The following EZH1 variants were observed in gnomAD, a reference collection of about 807,000 sequenced individuals.
The protein encoded by EZH1 is histone-lysine N-methyltransferase EZH1.
In EZH1, 33 loss-of-function variants were observed where a neutral mutation model predicts 100.5. The observed-to-expected ratio is 0.33, with a 90% CI of 0.25 to 0.44. EZH1 has a LOEUF of 0.44. Among genes scored for constraint, EZH1 ranks in the 20% least tolerant of loss-of-function variants. The pLI, the probability that EZH1 is intolerant of heterozygous loss-of-function variation, is 1.00. For missense variants in EZH1, 475 were observed against 928.4 expected, an observed-to-expected ratio of 0.51 and a Z score of 6.35; for synonymous variants, 272 against 313.8, an observed-to-expected ratio of 0.87 and a Z score of 1.41.
chr17:42,718,553 C>G lies in EZH1; in HGVS notation c.832G>C (p.Asp278His). The G allele has an allele frequency of 6.2e-7, 1 of 1,614,096 alleles. No individual in the cohort carries two copies. The highest frequency in any genetic ancestry group is 8.5e-7 in the Non-Finnish European group (1 of 1,180,024). The stretch of plus-strand genomic sequence containing the variant: ...TGCACAGACTTGGCATTGGGGCCAT[C>G]GATGTTGGGTGTGCACTGAGGGGGA... ...ALPPQCTPNI[D>H]GPNAKSVQRE... Residue 278 changes from aspartate to histidine, a missense_variant, in exon 9 of 21, where the codon GAT becomes CAT. Coordinates refer to ENST00000428826, the MANE Select transcript of EZH1 (RefSeq NM_001991.5). This position sits in a 1 kb window ranked among gnomAD's most constrained non-coding sequence, Gnocchi z 4.2.
At chr17:42,714,609 A>T in intron 10 of EZH1, 1 of 335,880 alleles carries the variant, frequency 3.0e-6, no homozygotes, top group Non-Finnish European at 6.0e-6. Context: ...TTGTTGTGAA[A>T]GTGTTGAAGG....
intron 1 of EZH1, among the ~76,000 whole-genome samples, chr17:42,740,047 T>A (rs977540112): frequency 1.4e-4 from 22 of 151,932 alleles, no homozygotes; most frequent in African/African-American, 5.1e-4. Flanking sequence ...TTTATAACTC[T>A]GGTTTAATTT....
At chr17:42,728,770 A>T (rs1482364492) in intron 3 of EZH1, 55 bp downstream of exon 3, 16 of 1,571,596 alleles carry the variant, frequency 1.0e-5, no homozygotes, top group Non-Finnish European at 1.4e-5. Flanking sequence ...CAACCCCTTT[A>T]CACTGGGTCA....
chr17:42,720,565 T>G (rs1454181609), intron 6 of EZH1, 116 bp from the exon 7 acceptor site: 2 of 837,440 alleles, frequency 2.4e-6, no homozygotes, highest in East Asian at 5.7e-5. Context: ...GTGTACATTT[T>G]TACATGGGAG....
At position 42,731,090 on chromosome 17, in the gene EZH1, C is replaced by G. The variant is rs1208886799; in HGVS notation, c.-102-172G>C. ...ACTTGATGCCATTTGGGAAGAGGCC[C>G]TTTACTTTATTAAATTCTATTTTTT... On this transcript the variant is annotated intron_variant, in intron 1 of 20. Transcript: ENST00000428826. 2.0e-5 allele frequency among the ~76,000 whole-genome samples: 3 copies of G among 151,788 alleles called. No individual in the cohort carries two copies. In the South Asian group the frequency reaches 6.3e-4, roughly 32 times the overall value.
At chr17:42,742,141 C>CTT (rs781134584) in intron 1 of EZH1, among the ~76,000 whole-genome samples, 81 of 141,222 alleles carry the variant, frequency 5.7e-4, no homozygotes, top group African/African-American at 1.6e-3. Flanking sequence ...TGCTGTCTCT[C>CTT]TTTTTTTTTT....
chr17:42,732,506 C>T (rs2053970542), intron 1 of EZH1, among the ~76,000 whole-genome samples: 3 of 152,198 alleles, frequency 2.0e-5, no homozygotes, highest in Admixed American at 1.3e-4. Flanking sequence ...CGGTGGCTCA[C>T]GCCTGTAATC....
At chr17:42,702,640 T>C (rs1192740538) in intron 20 of EZH1, 48 bp from the exon 21 acceptor site, 1 of 1,534,446 alleles carries the variant, frequency 6.5e-7, no homozygotes, top group South Asian at 1.2e-5. Context: ...ATGACTTTTG[T>C]GATTGAAAAG....
In EZH1 at chr17:42,715,825, T is replaced by C. The variant is rs189464894; in HGVS notation, c.1023+2151A>G. 4.6e-5 allele frequency among the ~76,000 whole-genome samples: 7 copies of C among 152,284 alleles called. No homozygotes were observed. The South Asian group carries it at 8.3e-4, about 18-fold the overall frequency. On this transcript the variant is annotated intron_variant, in intron 10 of 20. Transcript: ENST00000428826. The stretch of plus-strand genomic sequence containing the variant: ...TACTTTGGGAGGCCAGGCAGTCTGA[T>C]CACCTGAGGTTGGGAGTTCAAGACC...
Position 42,727,775 on chromosome 17 carries a change from A to G in EZH1, c.118-12T>C, listed in dbSNP as rs753800774. ...GCCACATACAAAGCCTAGCAAAGCCATGGAAAAGATTAAGATATATTGTTA... is the reference window on the plus strand; with the variant it reads ...GCCACATACAAAGCCTAGCAAAGCCGTGGAAAAGATTAAGATATATTGTTA... On this transcript the variant is annotated splice_polypyrimidine_tract_variant and intron_variant, in intron 3 of 20. Coordinates refer to ENST00000428826, the MANE Select transcript of EZH1 (RefSeq NM_001991.5). 1 of 1,579,974 alleles carries G rather than the reference A, an allele frequency of 6.3e-7. No homozygotes were observed.
chr17:42,733,193 C>T (rs2053988195), intron 1 of EZH1, among the ~76,000 whole-genome samples: 1 of 151,490 alleles, frequency 6.6e-6, no homozygotes, highest in Non-Finnish European at 1.5e-5. Context: ...CAAAATTAGC[C>T]GGGCGTGGTG....
At chr17:42,702,743 A>T in intron 20 of EZH1, 134 bp downstream of exon 20, 1 of 1,271,114 alleles carries the variant, frequency 7.9e-7, no homozygotes, top group Non-Finnish European at 1.1e-6. Flanking sequence ...ATATCAGAAC[A>T]AGGGACACAG....
chr17:42,704,741 A>G, intron 17 of EZH1, 58 bp from the exon 18 acceptor site: 1 of 1,417,108 alleles, frequency 7.1e-7, no homozygotes, highest in Non-Finnish European at 9.8e-7. Context: ...AGGGCATGGT[A>G]CCCTGCCCCC....
intron 3 of EZH1, among the ~76,000 whole-genome samples, 156 bp downstream of exon 3, chr17:42,728,669 G>A (rs375281477): frequency 1.7e-4 from 25 of 150,832 alleles, no homozygotes; most frequent in African/African-American, 4.9e-4. Context: ...GTGAACCTGC[G>A]AGGTGGAGCT....
intron 1 of EZH1, among the ~76,000 whole-genome samples, chr17:42,740,127 C>T (rs1294135819): frequency 6.6e-6 from 1 of 152,150 alleles, no homozygotes; most frequent in Non-Finnish European, 1.5e-5. Flanking sequence ...TAGCTCACTG[C>T]ACTTCGACCT....
intron 2 of EZH1, 21 bp downstream of exon 2, chr17:42,730,807 A>T: frequency 2.0e-6 from 2 of 975,734 alleles, no homozygotes; most frequent in Non-Finnish European, 2.4e-6. Context: ...AGAAGTATGT[A>T]TTCTAATATA....
intron 1 of EZH1, 113 bp from the exon 2 acceptor site, chr17:42,731,031 C>T (rs1422002254): frequency 3.6e-6 from 1 of 281,360 alleles, no homozygotes; most frequent in African/African-American, 2.3e-5. Context: ...GTTTCTCCTA[C>T]TATTTTTGTA....
At chr17:42,705,885 G>C (rs1287276876) in intron 16 of EZH1, 122 bp downstream of exon 16, 9 of 1,048,578 alleles carry the variant, frequency 8.6e-6, no homozygotes, top group Non-Finnish European at 9.2e-6. Flanking sequence ...GTGTCTTTTA[G>C]GATTTATCAA....
chr17:42,729,853 G>C (rs1405502033), intron 2 of EZH1, among the ~76,000 whole-genome samples: 3 of 151,706 alleles, frequency 2.0e-5, no homozygotes, highest in East Asian at 1.9e-4. Context: ...GCCTGGCCAA[G>C]ATGCTGAAAC....
Sources: gnomAD v4.1 joint callset for allele counts (sites outside exome capture counted in the v4.1 genomes callset) on GRCh38, gnomAD v4.1.1 for gene constraint, Gnocchi (gnomAD v3.1) non-coding constraint, MANE v1.5 for transcripts, NCBI Gene and HGNC (gene_info 2026-07-23, HGNC 2026-07-21) for gene names.